The following NBAS variants were observed in gnomAD, a reference collection of about 807,000 sequenced individuals.
The protein encoded by NBAS is NBAS subunit of NRZ tethering complex.
In NBAS, 219 loss-of-function variants were observed where a neutral mutation model predicts 302.5. That is an observed-to-expected ratio of 0.72 (90% CI 0.65 to 0.81). The LOEUF (loss-of-function observed/expected upper bound fraction) is 0.81. Ranked by LOEUF, NBAS falls within the 30% of genes least tolerant of loss-of-function variation. The pLI is 0.00. For missense variants in NBAS, 2,932 were observed against 2,841.6 expected (o/e 1.03, Z -0.72); for synonymous variants, 1,118 against 1,021.6 (o/e 1.09, Z -1.80).
At chr2:14,981,831 C>T in the NBAS span, among the ~76,000 whole-genome samples, 78 of 152,302 alleles carry the variant, frequency 5.1e-4, 1 homozygote, top group South Asian at 0.016. Context: ...TGTGTTATGT[C>T]ACCAGAATGC....
the NBAS span, among the ~76,000 whole-genome samples, chr2:14,861,650 T>C: frequency 1.2e-4 from 18 of 152,356 alleles, no homozygotes; most frequent in South Asian, 3.7e-3. Flanking sequence ...ATTTAAGTGT[T>C]CTATTATGTG....
At chr2:14,862,844 G>A in the NBAS span, among the ~76,000 whole-genome samples, 30 of 152,288 alleles carry the variant, frequency 2.0e-4, no homozygotes, top group South Asian at 6.0e-3. Flanking sequence ...TGGTCGGGCA[G>A]CCTCCCACAG....
the NBAS span, among the ~76,000 whole-genome samples, chr2:15,062,483 C>T: frequency 2.0e-5 from 3 of 152,238 alleles, no homozygotes; most frequent in Admixed American, 2.0e-4. Context: ...GGCATGAAAT[C>T]CAAATAAATG....
the NBAS span, among the ~76,000 whole-genome samples, chr2:15,143,002 C>T: frequency 6.6e-6 from 1 of 152,194 alleles, no homozygotes; most frequent in Admixed American, 6.5e-5. Context: ...GCAAAAGAAA[C>T]AAACTGGTCC....
chr2:14,832,812 T>C, the NBAS span, among the ~76,000 whole-genome samples: 2 of 152,222 alleles, frequency 1.3e-5, no homozygotes, highest in African/African-American at 2.4e-5. Context: ...AGCTGTTTTG[T>C]GCTTTGTGGT....
intron 21 of NBAS, among the ~76,000 whole-genome samples, chr2:15,432,024 C>A (rs973956076): frequency 6.6e-6 from 1 of 151,432 alleles, no homozygotes; most frequent in African/African-American, 2.4e-5. Flanking sequence ...TTCATGGATT[C>A]GATTCACAAT....
the NBAS span, among the ~76,000 whole-genome samples, chr2:15,098,955 TCACACACACATATATATATACACA>T: frequency 1.3e-5 from 2 of 151,110 alleles, no homozygotes; most frequent in Non-Finnish European, 2.9e-5. Context: ...GGTGTCCCCC[TCACACACACATATATATATACACA>T]CACACACACA....
intron 30 of NBAS, among the ~76,000 whole-genome samples, chr2:15,375,737 C>T (rs1674703847): frequency 6.6e-6 from 1 of 151,946 alleles, no homozygotes; most frequent in African/African-American, 2.4e-5. Flanking sequence ...CTCGCACATG[C>T]TCAAAGACAT....
At chr2:15,494,061 T>C (rs1680974041) in intron 11 of NBAS, among the ~76,000 whole-genome samples, 1 of 152,156 alleles carries the variant, frequency 6.6e-6, no homozygotes, top group African/African-American at 2.4e-5. Flanking sequence ...TGACCTCAGG[T>C]GAACTGCCTA....
chr2:15,217,713 T>C (rs1666716876), intron 48 of NBAS, among the ~76,000 whole-genome samples: 1 of 152,212 alleles, frequency 6.6e-6, no homozygotes, highest in Non-Finnish European at 1.5e-5. Flanking sequence ...TTAAGCCAAA[T>C]TTCAACAGCC....
At chr2:15,416,693 C>T (rs909022181) in intron 24 of NBAS, among the ~76,000 whole-genome samples, 3 of 151,594 alleles carry the variant, frequency 2.0e-5, no homozygotes, top group Admixed American at 6.6e-5. Flanking sequence ...GTAATCCCAG[C>T]TACTCGGGAG....
rs1452335392 is a variant in NBAS, at chr2:15,468,426, G to A, written c.1833C>T (p.Asp611=). The part of the protein sequence containing the change: ...ELLQYGLKGT[D]LEALLAIGKG... ...TCCCTATTGCTAAAAGAGCCTCCAG[G>A]TCTGTGCCTTTTAATCCATACTGAA... Residue 611 remains aspartate (D), a synonymous_variant, in exon 17 of 52, where the codon GAC becomes GAT. Coordinates refer to ENST00000281513, the MANE Select transcript of NBAS (RefSeq NM_015909.4). The A allele has an allele frequency of 1.9e-6, 3 of 1,614,024 alleles. No individual in the cohort carries two copies. The highest frequency in any genetic ancestry group is 2.5e-6 in the Non-Finnish European group (3 of 1,179,974).
intron 10 of NBAS, among the ~76,000 whole-genome samples, chr2:15,504,695 A>G (rs1194405660): frequency 3.3e-5 from 5 of 152,172 alleles, no homozygotes; most frequent in Non-Finnish European, 7.4e-5. Flanking sequence ...CTTAGAAACT[A>G]TATTTTTTCA....
the NBAS span, among the ~76,000 whole-genome samples, chr2:15,012,595 G>A: frequency 1.3e-5 from 2 of 152,042 alleles, no homozygotes; most frequent in African/African-American, 4.8e-5. Flanking sequence ...TTTTCTCCAA[G>A]GCACATGATA....
the NBAS span, among the ~76,000 whole-genome samples, chr2:14,985,978 G>C: frequency 1.3e-5 from 2 of 152,260 alleles, no homozygotes; most frequent in East Asian, 3.9e-4. Flanking sequence ...GCATTCTCTA[G>C]GTAGAGATCA....
the NBAS span, among the ~76,000 whole-genome samples, chr2:14,997,903 G>A: frequency 1.6e-3 from 243 of 152,260 alleles, no homozygotes; most frequent in Middle Eastern, 6.8e-3. Flanking sequence ...CATGAACAGA[G>A]GGGCAACCTC....
chr2:15,095,573 G>A, the NBAS span, among the ~76,000 whole-genome samples: 67 of 152,316 alleles, frequency 4.4e-4, no homozygotes, highest in Middle Eastern at 3.4e-3. Flanking sequence ...TGGGGACACA[G>A]CCAAACTATA....
intron 19 of NBAS, among the ~76,000 whole-genome samples, chr2:15,465,650 A>T (rs901553844): frequency 2.0e-5 from 3 of 152,220 alleles, no homozygotes; most frequent in Non-Finnish European, 2.9e-5. Context: ...TATTTTCATT[A>T]CTAAGTTTTA....
At chr2:15,048,861 G>A in the NBAS span, among the ~76,000 whole-genome samples, 18 of 152,328 alleles carry the variant, frequency 1.2e-4, no homozygotes, top group African/African-American at 3.6e-4. Context: ...CAACAAGCTC[G>A]CTGTCTAGGC....
Sources: gnomAD v4.1 joint callset for allele counts (sites outside exome capture counted in the v4.1 genomes callset) on GRCh38, gnomAD v4.1.1 for gene constraint, MANE v1.5 for transcripts, NCBI Gene and HGNC (gene_info 2026-07-23, HGNC 2026-07-21) for gene names.